The following PDE4D variants were observed in gnomAD, a reference collection of about 807,000 sequenced individuals.
The protein encoded by PDE4D is phosphodiesterase 4D.
In PDE4D, 24 loss-of-function variants were observed where a neutral mutation model predicts 87.4. That is an observed-to-expected ratio of 0.27 (90% CI 0.20 to 0.39). The LOEUF (loss-of-function observed/expected upper bound fraction) is 0.39. PDE4D is among the 10% of genes least tolerant of loss of function. The probability of loss-of-function intolerance (pLI) is 1.00; values close to 1 mark genes in which losing one functional copy is unlikely to be tolerated. For synonymous variants in PDE4D, 384 were observed against 383.2 expected (o/e 1.00, Z -0.02); for missense variants, 714 against 1,041.0 (o/e 0.69, Z 4.32).
At chr5:59,191,462 A>G (rs1332577091) in intron 3 of PDE4D, among the ~76,000 whole-genome samples, 1 of 152,124 alleles carries the variant, frequency 6.6e-6, no homozygotes, top group Non-Finnish European at 1.5e-5. Flanking sequence ...AATGAACTCA[A>G]ATTGGAATGA....
chr5:60,357,956 C>T lies in PDE4D; in HGVS notation c.-90+129986G>A, dbSNP rs568800718. Among the ~76,000 whole-genome samples, 7 of 152,300 alleles carry T rather than the reference C, an allele frequency of 4.6e-5. 1 individual carries two copies. The highest frequency in any genetic ancestry group is 1.7e-4 in the African/African-American group (7 of 41,572). ...CTTTATTAACAAAAGCCATACAATA[C>T]ATAGTAAGTACACAGTATCTCATTT... On this transcript the variant is annotated intron_variant, in intron 1 of 16. Transcript: ENST00000502484.
intron 1 of PDE4D, among the ~76,000 whole-genome samples, chr5:59,771,479 A>AGAGAG (rs1561637332): frequency 1.5e-5 from 1 of 68,406 alleles, no homozygotes; most frequent in Non-Finnish European, 3.1e-5. Context: ...GAAAGAAAGA[A>AGAGAG]AGAAAGAGAG....
chr5:59,940,913 G>C (rs1389840831), intron 3 of PDE4D, among the ~76,000 whole-genome samples: 1 of 149,674 alleles, frequency 6.7e-6, no homozygotes, highest in African/African-American at 2.6e-5. Flanking sequence ...CAACATCTGG[G>C]TCCCTCTCAC....
intron 1 of PDE4D, among the ~76,000 whole-genome samples, chr5:59,499,321 T>C (rs1002640736): frequency 9.1e-5 from 13 of 142,606 alleles, no homozygotes; most frequent in African/African-American, 3.4e-4. Flanking sequence ...AAGATACATC[T>C]GAAATTAACA....
chr5:60,300,409 T>C (rs1753789683), intron 1 of PDE4D, among the ~76,000 whole-genome samples: 1 of 152,204 alleles, frequency 6.6e-6, no homozygotes, highest in African/African-American at 2.4e-5. Context: ...TTTAATTAGA[T>C]CCCATTTGTC....
chr5:60,044,744 T>A (rs2152871849), intron 2 of PDE4D, among the ~76,000 whole-genome samples: 1 of 152,340 alleles, frequency 6.6e-6, no homozygotes, highest in African/African-American at 2.4e-5. Flanking sequence ...TGTGCCACAT[T>A]TTCTTAATCC....
chr5:59,737,455 T>C (rs1223293641), intron 1 of PDE4D, among the ~76,000 whole-genome samples: 1 of 152,096 alleles, frequency 6.6e-6, no homozygotes, highest in African/African-American at 2.4e-5. Context: ...CCTGGGCAAG[T>C]TCCTTAATCT....
At chr5:59,775,437 A>T (rs773670288) in intron 1 of PDE4D, among the ~76,000 whole-genome samples, 12 of 152,200 alleles carry the variant, frequency 7.9e-5, no homozygotes, top group Non-Finnish European at 1.6e-4. Context: ...ACATGTTTTG[A>T]TCATTACAAT....
intron 1 of PDE4D, among the ~76,000 whole-genome samples, chr5:60,317,199 T>C (rs1296499240): frequency 6.6e-6 from 1 of 152,232 alleles, no homozygotes; most frequent in Non-Finnish European, 1.5e-5. Context: ...TTCAACTTCT[T>C]CCTGGTTTAG....
chr5:59,220,494 T>G (rs1752314086), intron 1 of PDE4D, among the ~76,000 whole-genome samples: 1 of 151,858 alleles, frequency 6.6e-6, no homozygotes, highest in South Asian at 2.1e-4. Flanking sequence ...CATTAAATAC[T>G]TCAAATATTA....
At chr5:59,660,289 T>A (rs1745027772) in intron 1 of PDE4D, among the ~76,000 whole-genome samples, 1 of 152,176 alleles carries the variant, frequency 6.6e-6, no homozygotes, top group Non-Finnish European at 1.5e-5. Flanking sequence ...AGTATTTTAT[T>A]CTAATGAACT....
At chr5:59,629,999 A>T (rs1210196555) in intron 1 of PDE4D, among the ~76,000 whole-genome samples, 1 of 152,206 alleles carries the variant, frequency 6.6e-6, no homozygotes, top group Non-Finnish European at 1.5e-5. Flanking sequence ...AAGTAAATAG[A>T]TTAGTTTATA....
At chr5:59,155,110 G>C (rs574311194) in intron 5 of PDE4D, among the ~76,000 whole-genome samples, 105 of 152,266 alleles carry the variant, frequency 6.9e-4, no homozygotes, top group African/African-American at 2.4e-3. Context: ...CCTACTCTGA[G>C]TAGAGACAGA....
intron 1 of PDE4D, among the ~76,000 whole-genome samples, chr5:59,217,827 G>C (rs1751589520): frequency 6.6e-6 from 1 of 152,128 alleles, no homozygotes; most frequent in Non-Finnish European, 1.5e-5. Context: ...GTGAAACCTT[G>C]TCAATTCCCA....
intron 1 of PDE4D, among the ~76,000 whole-genome samples, chr5:60,311,080 C>A (rs1023844501): frequency 6.7e-6 from 1 of 149,900 alleles, no homozygotes; most frequent in Non-Finnish European, 1.5e-5. Context: ...TGCAATGAAG[C>A]GATCTCAGCT....
chr5:59,824,907 T>A (rs905774182), intron 1 of PDE4D, among the ~76,000 whole-genome samples: 1 of 152,196 alleles, frequency 6.6e-6, no homozygotes, highest in African/African-American at 2.4e-5. Flanking sequence ...ATTACAGCAT[T>A]ATACCTGTTT....
At chr5:59,903,610 G>C (rs956656071) in intron 3 of PDE4D, among the ~76,000 whole-genome samples, 4 of 152,190 alleles carry the variant, frequency 2.6e-5, no homozygotes, top group South Asian at 4.1e-4. Context: ...ACTACTTATT[G>C]GGTTTACTAT....
chr5:60,103,625 C>T (rs949639332), intron 2 of PDE4D, among the ~76,000 whole-genome samples: 5 of 152,010 alleles, frequency 3.3e-5, no homozygotes, highest in Admixed American at 3.3e-4. Flanking sequence ...GAAGAAGCAG[C>T]TCCATGGAAA....
chr5:59,938,347 G>A (rs994976575), intron 3 of PDE4D, among the ~76,000 whole-genome samples: 3 of 152,136 alleles, frequency 2.0e-5, no homozygotes, highest in Admixed American at 6.6e-5. Context: ...CCTGCTAATG[G>A]ATAGACAATG....
Sources: gnomAD v4.1 joint callset for allele counts (sites outside exome capture counted in the v4.1 genomes callset) on GRCh38, gnomAD v4.1.1 for gene constraint, MANE v1.5 for transcripts, NCBI Gene and HGNC (gene_info 2026-07-23, HGNC 2026-07-21) for gene names.